The following IL1RAPL1 variants were observed in gnomAD, a reference collection of about 807,000 sequenced individuals.
IL1RAPL1 encodes interleukin-1 receptor accessory protein-like 1.
Under a neutral mutation model 48.4 loss-of-function variants are expected in IL1RAPL1, and 3 were observed. The observed-to-expected ratio is 0.06, with a 90% CI of 0.03 to 0.16. IL1RAPL1 has a LOEUF of 0.16. Ranked by LOEUF, IL1RAPL1 falls within the 10% of genes least tolerant of loss-of-function variation. IL1RAPL1 has a pLI of 1.00. For missense variants in IL1RAPL1, 349 were observed against 530.6 expected, an observed-to-expected ratio of 0.66 and a Z score of 3.36; for synonymous variants, 185 against 187.7, an observed-to-expected ratio of 0.99 and a Z score of 0.12.
intron 2 of IL1RAPL1, among the ~76,000 whole-genome samples, chrX:28,794,415 T>C (rs780172216): frequency 8.9e-6 from 1 of 112,079 alleles, no homozygotes; most frequent in East Asian, 2.8e-4. Context: ...AGGCTGTAGC[T>C]CATGATTACT....
chrX:29,323,431 T>C (rs1339042174), intron 3 of IL1RAPL1, among the ~76,000 whole-genome samples: 1 of 107,680 alleles, frequency 9.3e-6, no homozygotes, highest in African/African-American at 3.4e-5. Context: ...CACTGTTCAT[T>C]ACTCTGTCTT....
intron 1 of IL1RAPL1, among the ~76,000 whole-genome samples, chrX:28,763,489 TGTACTTAAC>T (rs951192378): frequency 8.9e-6 from 1 of 112,086 alleles, no homozygotes; most frequent in African/African-American, 3.2e-5. Context: ...ACATCTTTCA[TGTACTTAAC>T]CTGTATAAAT....
At chrX:28,769,591 C>G (rs765017506) in intron 1 of IL1RAPL1, among the ~76,000 whole-genome samples, 13 of 112,085 alleles carry the variant, frequency 1.2e-4, no homozygotes, top group African/African-American at 4.2e-4. Context: ...CTCTCATCTA[C>G]TTAATTAAAG....
intron 1 of IL1RAPL1, among the ~76,000 whole-genome samples, chrX:28,596,983 C>G (rs1370366730): frequency 9.1e-6 from 1 of 110,423 alleles, no homozygotes; most frequent in Non-Finnish European, 1.9e-5. Flanking sequence ...AGGAGGCAGC[C>G]TTTGTATTGG....
chrX:29,849,365 A>G (rs1342360808), intron 6 of IL1RAPL1, among the ~76,000 whole-genome samples: 1 of 111,465 alleles, frequency 9.0e-6, no homozygotes, highest in Non-Finnish European at 1.9e-5. Context: ...TATAAGGAAG[A>G]GACTCTTTTA....
At chrX:28,745,304 T>C (rs1935960934) in intron 1 of IL1RAPL1, among the ~76,000 whole-genome samples, 1 of 111,498 alleles carries the variant, frequency 9.0e-6, no homozygotes, top group South Asian at 3.7e-4. Flanking sequence ...CCTTCAGTCT[T>C]CCATGCCGTG....
At chrX:29,792,945 G>A (rs1436956135) in intron 6 of IL1RAPL1, among the ~76,000 whole-genome samples, 2 of 111,329 alleles carry the variant, frequency 1.8e-5, no homozygotes, top group African/African-American at 6.5e-5. Context: ...GTGAGGTAAG[G>A]CATTTGTTAA....
intron 1 of IL1RAPL1, among the ~76,000 whole-genome samples, chrX:28,608,982 C>T (rs113874467): frequency 6.3e-5 from 7 of 111,491 alleles, no homozygotes; most frequent in African/African-American, 2.3e-4. Context: ...ATGTAATGGA[C>T]GGTATTAAAT....
At chrX:29,368,460 C>A (rs1181465580) in intron 3 of IL1RAPL1, among the ~76,000 whole-genome samples, 1 of 112,123 alleles carries the variant, frequency 8.9e-6, no homozygotes, top group Non-Finnish European at 1.9e-5. Flanking sequence ...TGGCTCCCTG[C>A]AGCCTCCACC....
At chrX:29,014,849 T>A (rs759155276) in intron 2 of IL1RAPL1, among the ~76,000 whole-genome samples, 2 of 111,961 alleles carry the variant, frequency 1.8e-5, no homozygotes, top group South Asian at 7.4e-4. Context: ...AATGCTTAGA[T>A]ATTTAAATGT....
intron 3 of IL1RAPL1, among the ~76,000 whole-genome samples, chrX:29,306,064 A>G (rs932080529): frequency 9.0e-6 from 1 of 111,571 alleles, no homozygotes; most frequent in Admixed American, 9.5e-5. Context: ...TGGGAAACCC[A>G]GAGGCAATAG....
intron 1 of IL1RAPL1, among the ~76,000 whole-genome samples, chrX:28,726,252 C>T (rs1166443537): frequency 8.9e-6 from 1 of 111,737 alleles, no homozygotes; most frequent in African/African-American, 3.3e-5. Context: ...CAGGTGACTC[C>T]AAATTTTTAC....
At chrX:29,368,852 C>A (rs1448989935) in intron 3 of IL1RAPL1, 1 of 111,006 alleles carries the variant, frequency 9.0e-6, no homozygotes, top group Non-Finnish European at 1.9e-5. Flanking sequence ...GCTCTATGAC[C>A]ACTCCTTGGA....
At chrX:28,598,179 G>C (rs1933978464) in intron 1 of IL1RAPL1, among the ~76,000 whole-genome samples, 1 of 112,294 alleles carries the variant, frequency 8.9e-6, no homozygotes, top group African/African-American at 3.2e-5. Context: ...TCAGTAATAA[G>C]ATAATAGGAT....
chrX:29,751,288 G>A (rs1231688431), intron 6 of IL1RAPL1, among the ~76,000 whole-genome samples: 3 of 111,305 alleles, frequency 2.7e-5, no homozygotes, highest in African/African-American at 9.8e-5. Context: ...AAAATTTTCA[G>A]TCTACAGTGG....
rs1429312906 is a variant in IL1RAPL1 at position 28,616,172 on chromosome X, G to A, written c.-25+28125G>A. On this transcript the variant is annotated intron_variant, in intron 1 of 10. Coordinates refer to ENST00000378993, the MANE Select transcript of IL1RAPL1 (RefSeq NM_014271.4). ...CATATCAGAAGGACTAAGGGCTCTT[G>A]GACAGATTACATTTGTAGTTTTCCT... Among the ~76,000 whole-genome samples, 3 of 111,984 alleles carry A rather than the reference G, an allele frequency of 2.7e-5. No homozygotes were observed. In the East Asian group the frequency reaches 8.5e-4, roughly 32 times the overall value.
intron 2 of IL1RAPL1, among the ~76,000 whole-genome samples, chrX:29,192,041 T>C (rs953312359): frequency 4.5e-5 from 5 of 111,884 alleles, no homozygotes; most frequent in Non-Finnish European, 9.4e-5. Flanking sequence ...TACTCAGCTA[T>C]GTATCAGGCA....
At chrX:29,457,035 G>A (rs1934747146) in intron 5 of IL1RAPL1, among the ~76,000 whole-genome samples, 1 of 109,480 alleles carries the variant, frequency 9.1e-6, no homozygotes, top group South Asian at 4.1e-4. Flanking sequence ...TCAGGAGGCC[G>A]AGGAGGAAAG....
At chrX:29,128,085 T>C (rs1928937199) in intron 2 of IL1RAPL1, among the ~76,000 whole-genome samples, 1 of 110,253 alleles carries the variant, frequency 9.1e-6, no homozygotes, top group South Asian at 3.9e-4. Context: ...TCTTAAAGGA[T>C]CCCCCCACAA....
Sources: allele counts gnomAD v4.1 joint callset (sites outside exome capture counted in the v4.1 genomes callset), GRCh38; gene constraint gnomAD v4.1.1; transcripts MANE v1.5; gene names NCBI Gene and HGNC (gene_info 2026-07-23, HGNC 2026-07-21).